PIEZO1: variants seen among roughly 807,000 people sequenced by gnomAD.
The protein encoded by PIEZO1 is piezo type mechanosensitive ion channel component 1 (Er blood group).
PIEZO1 carries 296 observed loss-of-function variants against 297.2 expected under a neutral mutation model. The observed-to-expected ratio is 1.00, with a 90% CI of 0.91 to 1.10. The LOEUF (loss-of-function observed/expected upper bound fraction) is 1.10, where lower values mean the gene tolerates loss of function less well. PIEZO1 is among the 50% of genes least tolerant of loss of function. The pLI, the probability that PIEZO1 is intolerant of heterozygous loss-of-function variation, is 0.00. For synonymous variants in PIEZO1, 2,427 were observed against 1,507.5 expected, an observed-to-expected ratio of 1.61 and a Z score of -14.13; for missense variants, 5,018 against 3,455.5, an observed-to-expected ratio of 1.45 and a Z score of -11.34.
In PIEZO1 at chr16:88,742,038, G is replaced by A. The variant is rs1905711879; in HGVS notation, c.326+15C>T. 8 of 1,535,858 alleles carry A rather than the reference G, an allele frequency of 5.2e-6. No homozygotes were observed. Among genetic ancestry groups the A allele is most frequent in the Non-Finnish European group, 6.1e-6 (7 of 1,146,542 alleles). On this transcript the variant is annotated intron_variant, in intron 4 of 50. Transcript: ENST00000301015. The stretch of plus-strand genomic sequence containing the variant: ...AGGGAGGCTTGCTGGTTGGGGGTGG[G>A]AGGAATGGTCTTACCTTGTGACCCC...
At chr16:88,721,515 T>G in intron 38 of PIEZO1, 23 bp downstream of exon 38, 1 of 1,542,480 alleles carries the variant, frequency 6.5e-7, no homozygotes, top group Non-Finnish European at 8.8e-7. Context: ...AGCCCCGCAT[T>G]GCCAGCCAAG....
At chr16:88,764,628 G>GTAATCCCAGCT (rs968215152) in intron 1 of PIEZO1, among the ~76,000 whole-genome samples, 1 of 151,804 alleles carries the variant, frequency 6.6e-6, no homozygotes, top group Non-Finnish European at 1.5e-5. Flanking sequence ...GCACGTACCT[G>GTAATCCCAGCT]TAATCCCAGC....
In PIEZO1 at chr16:88,721,640, G is replaced by C. The variant is rs775750846; in HGVS notation, c.5301C>G (p.Pro1767=). 19 of 1,550,108 alleles carry C rather than the reference G, an allele frequency of 1.2e-5. No individual in the cohort carries two copies. The highest frequency in any genetic ancestry group is 2.4e-5 in the East Asian group (1 of 40,926). ...GGCCCAGGATGCGGGGCGGGAAGTA[G>C]GGCTTGTTCTCGTAGCGCCGCAGCA... ...HVVLRRYENK[P]YFPPRILGLE... The change falls in exon 38 of 51, where the codon CCC becomes CCG. Residue 1767 remains proline, a synonymous_variant. Transcript: ENST00000301015.
rs947487272 is a variant in PIEZO1 at position 88,736,263 on chromosome 16, C to T, written c.1442G>A (p.Arg481His). Residue 481 changes from arginine (R) to histidine (H), a missense_variant, in exon 12 of 51, where the codon CGC becomes CAC. Coordinates refer to ENST00000301015, the MANE Select transcript of PIEZO1 (RefSeq NM_001142864.4). ...GCGCAGGTCCATGGCCCACACGTAG[C>T]GTAGGCAGCACAGCGTCATCCCATA... ...LLYGMTLCCL[R>H]YVWAMDLRPE... 4.1e-5 allele frequency: 63 copies of T among 1,549,826 alleles called. No homozygotes were observed. Among genetic ancestry groups the T allele is most frequent in the Middle Eastern group, 1.7e-4 (1 of 6,002 alleles).
chr16:88,757,655 G>T (rs1466411064), intron 1 of PIEZO1, among the ~76,000 whole-genome samples: 2 of 152,140 alleles, frequency 1.3e-5, no homozygotes, highest in Non-Finnish European at 2.9e-5. Context: ...AGAGCCCGAG[G>T]GTTGGAGTCC....
At chr16:88,742,030 G>T (rs1211173877) in intron 4 of PIEZO1, 23 bp downstream of exon 4, 1 of 1,534,886 alleles carries the variant, frequency 6.5e-7, no homozygotes, top group Non-Finnish European at 8.7e-7. Context: ...CTTGCTGGTT[G>T]GGGGTGGGAG....
chr16:88,781,205 A>G (rs966357104), intron 1 of PIEZO1, among the ~76,000 whole-genome samples: 1 of 152,192 alleles, frequency 6.6e-6, no homozygotes, highest in African/African-American at 2.4e-5. Flanking sequence ...AAGCAAATGC[A>G]CTGCCGAGTC....
rs1905074845 is a variant in PIEZO1, at chr16:88,734,485, A to C, written c.2051T>G (p.Ile684Ser). 1 of 1,549,386 alleles carries C rather than the reference A, an allele frequency of 6.5e-7. No individual in the cohort carries two copies. The highest frequency in any genetic ancestry group is 8.7e-7 in the Non-Finnish European group (1 of 1,146,534). Reference protein sequence around the residue: ...QFSVSELFSSILVPGFFLLAC... With the variant: ...QFSVSELFSSSLVPGFFLLAC... ...CAGGAGGAAGAAGCCGGGCACCAGG[A>C]TGCTGGAGAAGAGCTCGGACACGCT... The change falls in exon 16 of 51, where the codon ATC (isoleucine) becomes AGC (serine). Residue 684 changes from isoleucine (I) to serine (S), a missense_variant. Ile to Ser is a moderately radical substitution (Grantham distance 142). Transcript: ENST00000301015.
Position 88,741,597 on chromosome 16 carries a change from G to A in PIEZO1, c.346C>T (p.Pro116Ser). ...GVTRLDLKDI[P>S]NAIRLVAPDL... The stretch of plus-strand genomic sequence containing the variant: ...GGGGCCACCAGCCGGATGGCGTTGG[G>A]GATGTCCTTCAGGTCCAGCCTGCGG... The change falls in exon 5 of 51, where the codon CCC becomes TCC. Residue 116 changes from proline (P) to serine (S), a missense_variant. By Grantham distance (74) the Pro-to-Ser change is moderately conservative. Coordinates refer to ENST00000301015, the MANE Select transcript of PIEZO1 (RefSeq NM_001142864.4). 3 of 1,535,500 alleles carry A rather than the reference G, an allele frequency of 2.0e-6. No individual in the cohort carries two copies. Among genetic ancestry groups the A allele is most frequent in the Non-Finnish European group, 2.6e-6 (3 of 1,146,700 alleles).
At chr16:88,754,321 T>A (rs1377812765) in intron 1 of PIEZO1, among the ~76,000 whole-genome samples, 1 of 152,130 alleles carries the variant, frequency 6.6e-6, no homozygotes, top group Non-Finnish European at 1.5e-5. Context: ...AAATGCCACA[T>A]GGTGGTAACC....
At chr16:88,735,759 C>G (rs79366242) in intron 12 of PIEZO1, among the ~76,000 whole-genome samples, 23,072 of 152,340 alleles carry the variant, frequency 0.15, 2,118 homozygotes, top group African/African-American at 0.25. Context: ...CACTGAGACC[C>G]AGGGCTGTGC....
rs1194975375 is a variant in PIEZO1 at position 88,725,005 on chromosome 16, G to T, written c.4234+4C>A. On this transcript the variant is annotated splice_donor_region_variant and intron_variant, in intron 30 of 50. Coordinates refer to ENST00000301015, the MANE Select transcript of PIEZO1 (RefSeq NM_001142864.4). ...GTGGCCACAGGCGGCCTAATTGGGG[G>T]TACCTGTGGCGTGGTCCAGCCAGGG... 4.8e-6 allele frequency: 7 copies of T among 1,470,306 alleles called. 1 individual carries two copies. In the South Asian group the frequency reaches 8.2e-5, roughly 17 times the overall value. The allele number at this position is 1,470,306 out of a possible 1,614,324, so 91.1% of individuals were successfully genotyped here. A position where few individuals can be genotyped will look rare whatever the true frequency, so the allele number is the denominator to read the frequency against.
intron 31 of PIEZO1, 68 bp downstream of exon 31, chr16:88,723,803 A>G (rs747452018): frequency 8.2e-6 from 7 of 857,558 alleles, no homozygotes; most frequent in Non-Finnish European, 1.3e-5. Context: ...GACACCCTCT[A>G]TGCTGCCCTG....
intron 1 of PIEZO1, among the ~76,000 whole-genome samples, chr16:88,763,864 AG>A (rs1482135607): frequency 2.0e-5 from 3 of 152,218 alleles, no homozygotes; most frequent in Non-Finnish European, 4.4e-5. Context: ...TTTGGAAGCT[AG>A]GAGGCAGCTC....
At chr16:88,744,846 G>A (rs896554212) in intron 2 of PIEZO1, among the ~76,000 whole-genome samples, 3 of 151,910 alleles carry the variant, frequency 2.0e-5, no homozygotes, top group African/African-American at 4.8e-5. Context: ...CTGAGAGTCC[G>A]AGGGGCACCC....
chr16:88,728,389 A>G (rs1474656626), intron 22 of PIEZO1, among the ~76,000 whole-genome samples: 2 of 152,128 alleles, frequency 1.3e-5, no homozygotes, highest in Admixed American at 6.6e-5. Flanking sequence ...ACACAAAAAC[A>G]AAGTGACCCT....
Position 88,734,912 on chromosome 16 carries a change from T to G in PIEZO1, c.1811A>C (p.Tyr604Ser), listed in dbSNP as rs1025828158. Reference protein sequence around the residue: ...AGRLVVYKIVYMFLFLLCLTL... With the variant: ...AGRLVVYKIVSMFLFLLCLTL... ...GAGGCAGAGCAGGAAGAGGAACATG[T>G]AGACAATCTTGTAGACCACGAGGCG... The change falls in exon 14 of 51, where the codon TAC becomes TCC. Residue 604 changes from tyrosine to serine, a missense_variant. Transcript: ENST00000301015. The G allele has an allele frequency of 3.9e-6, 6 of 1,550,244 alleles. No individual in the cohort carries two copies. The South Asian group carries it at 4.8e-5, about 12-fold the overall frequency.
At chr16:88,726,188 C>T (rs1202166037) in intron 27 of PIEZO1, 96 bp downstream of exon 27, 3 of 1,071,888 alleles carry the variant, frequency 2.8e-6, no homozygotes, top group East Asian at 5.2e-5. Context: ...AGAGCCTGCC[C>T]TCCACGGGCC....
At chr16:88,721,066 C>G (rs895713239) in intron 39 of PIEZO1, 100 bp downstream of exon 39, 2 of 1,225,618 alleles carry the variant, frequency 1.6e-6, no homozygotes, top group Admixed American at 5.8e-5. Flanking sequence ...AGGTGGGCCT[C>G]GCACTGGGCT....
Sources: allele counts gnomAD v4.1 joint callset (sites outside exome capture counted in the v4.1 genomes callset), GRCh38; gene constraint gnomAD v4.1.1; transcripts MANE v1.5; gene names NCBI Gene and HGNC (gene_info 2026-07-23, HGNC 2026-07-21).